RCBTB1: variants seen among roughly 807,000 people sequenced by gnomAD.
RCBTB1 encodes RCC1 and BTB domain-containing protein 1.
RCBTB1 carries 46 observed loss-of-function variants against 62.4 expected under a neutral mutation model. The ratio of observed to expected loss-of-function variants is 0.74; its 90% CI spans 0.58 to 0.94. RCBTB1 has a LOEUF of 0.94. Ranked by LOEUF, RCBTB1 falls within the 40% of genes least tolerant of loss-of-function variation. The probability of loss-of-function intolerance (pLI) is 0.00; values close to 1 mark genes in which losing one functional copy is unlikely to be tolerated. For missense variants in RCBTB1, 565 were observed against 654.9 expected (o/e 0.86, Z 1.50); for synonymous variants, 222 against 245.8 (o/e 0.90, Z 0.91).
chr13:49,539,458 C>T (rs982125036), intron 12 of RCBTB1: 2 of 152,138 alleles, frequency 1.3e-5, no homozygotes, highest in Non-Finnish European at 2.9e-5. Flanking sequence ...AAGAAGTTTC[C>T]AGCAACTTGA....
intron 9 of RCBTB1, among the ~76,000 whole-genome samples, chr13:49,545,774 A>G (rs931688096): frequency 6.6e-6 from 1 of 152,160 alleles, no homozygotes; most frequent in Non-Finnish European, 1.5e-5. Context: ...TGTCTTAATC[A>G]AAGACCTCGG....
chr13:49,574,627 T>C (rs1458688200), intron 2 of RCBTB1, among the ~76,000 whole-genome samples: 1 of 151,618 alleles, frequency 6.6e-6, no homozygotes, highest in East Asian at 1.9e-4. Flanking sequence ...AAATTAAATG[T>C]AGATGGTAGA....
intron 12 of RCBTB1, among the ~76,000 whole-genome samples, chr13:49,537,283 C>T (rs1960012493): frequency 6.6e-6 from 1 of 152,216 alleles, no homozygotes; most frequent in Non-Finnish European, 1.5e-5. Context: ...ACATCAAGTA[C>T]AAAATATTCC....
At chr13:49,582,632 A>G (rs894198218) in intron 1 of RCBTB1, among the ~76,000 whole-genome samples, 1 of 152,152 alleles carries the variant, frequency 6.6e-6, no homozygotes, top group Non-Finnish European at 1.5e-5. Context: ...CTGGAGACAT[A>G]CTCATTCTCT....
intron 6 of RCBTB1, among the ~76,000 whole-genome samples, chr13:49,555,090 G>C (rs1430024366): frequency 2.0e-5 from 3 of 152,188 alleles, no homozygotes; most frequent in Non-Finnish European, 4.4e-5. Context: ...ATCTGCTTTT[G>C]CAAGTTGCTT....
At chr13:49,574,888 G>A (rs796837597) in intron 2 of RCBTB1, among the ~76,000 whole-genome samples, 2 of 151,992 alleles carry the variant, frequency 1.3e-5, no homozygotes, top group African/African-American at 4.8e-5. Flanking sequence ...CTACACATAC[G>A]ATAGAATATT....
At chr13:49,557,830 G>A (rs187989705) in intron 5 of RCBTB1, among the ~76,000 whole-genome samples, 48 of 152,112 alleles carry the variant, frequency 3.2e-4, no homozygotes, top group Non-Finnish European at 5.6e-4. Context: ...TACAATACAC[G>A]TTATGCTAGA....
intron 8 of RCBTB1, 137 bp from the exon 9 acceptor site, chr13:49,549,785 CACAGCAACAAAAGCAACAGA>C: frequency 7.0e-7 from 1 of 1,431,998 alleles, no homozygotes; most frequent in South Asian, 1.5e-5. Flanking sequence ...GCTGCCAAGT[CACAGCAACAAAAGCAACAGA>C]TCAGGGCAAG....
intron 1 of RCBTB1, among the ~76,000 whole-genome samples, chr13:49,581,195 A>G (rs548606858): frequency 6.6e-6 from 1 of 152,286 alleles, no homozygotes; most frequent in East Asian, 1.9e-4. Flanking sequence ...CAGAGACATG[A>G]GACGACAAAG....
chr13:49,536,478 T>A lies in RCBTB1; in HGVS notation c.1456-2216A>T, dbSNP rs548860412. Among the ~76,000 whole-genome samples the A allele has an allele frequency of 7.2e-5, 11 of 152,322 alleles. No individual in the cohort carries two copies. In the East Asian group the frequency reaches 2.1e-3, roughly 29 times the overall value. On this transcript the variant is annotated intron_variant, in intron 12 of 12. Transcript: ENST00000378302. ...TATAAGAATCTACATAATCTGTTCC[T>A]TTCATTCTGCAAAGGATCAAATCTT...
intron 2 of RCBTB1, among the ~76,000 whole-genome samples, chr13:49,569,573 G>A (rs1401345441): frequency 2.0e-5 from 3 of 152,024 alleles, no homozygotes; most frequent in Non-Finnish European, 4.4e-5. Context: ...AAATTAGCCT[G>A]GCGGTAGTGG....
chr13:49,541,114 G>A, intron 11 of RCBTB1, 108 bp from the exon 12 acceptor site: 3 of 889,040 alleles, frequency 3.4e-6, no homozygotes, highest in Non-Finnish European at 4.9e-6. Context: ...AAGTTTCTTA[G>A]TGGATAAGAT....
At chr13:49,568,966 A>C (rs1004680001) in intron 2 of RCBTB1, among the ~76,000 whole-genome samples, 1 of 152,216 alleles carries the variant, frequency 6.6e-6, no homozygotes, top group Non-Finnish European at 1.5e-5. Flanking sequence ...TGCAACAATA[A>C]CAACTAACTT....
At chr13:49,575,460 G>A (rs1049894803) in intron 2 of RCBTB1, among the ~76,000 whole-genome samples, 9 of 149,354 alleles carry the variant, frequency 6.0e-5, no homozygotes, top group African/African-American at 2.0e-4. Flanking sequence ...GCACCTGTAT[G>A]TTCATCACAG....
intron 2 of RCBTB1, among the ~76,000 whole-genome samples, chr13:49,578,013 TTAATGAGCTAGTGA>T (rs1963886865): frequency 6.6e-6 from 1 of 152,224 alleles, no homozygotes; most frequent in African/African-American, 2.4e-5. Context: ...TTATTTATAG[TTAATGAGCTAGTGA>T]TAAAATCTAA....
chr13:49,554,530 C>T (rs116214754), intron 6 of RCBTB1, among the ~76,000 whole-genome samples: 5,140 of 152,120 alleles, frequency 0.034, 289 homozygotes, highest in African/African-American at 0.11. Flanking sequence ...GCTCATGAGC[C>T]GCAGGCCGGT....
intron 9 of RCBTB1, among the ~76,000 whole-genome samples, chr13:49,547,851 C>T (rs1210417232): frequency 6.6e-6 from 1 of 151,998 alleles, no homozygotes; most frequent in African/African-American, 2.4e-5. Flanking sequence ...TGCAGTGGTG[C>T]GACCACAGTT....
intron 5 of RCBTB1, among the ~76,000 whole-genome samples, chr13:49,556,105 A>G (rs1326860363): frequency 2.6e-5 from 4 of 152,190 alleles, no homozygotes; most frequent in Non-Finnish European, 5.9e-5. Flanking sequence ...TATATGCCAC[A>G]TAAGTATTAG....
At chr13:49,536,901 C>G (rs535748021) in intron 12 of RCBTB1, among the ~76,000 whole-genome samples, 1 of 152,304 alleles carries the variant, frequency 6.6e-6, no homozygotes, top group South Asian at 2.1e-4. Flanking sequence ...CCAAATCTTT[C>G]AACATTGAAA....
Sources: allele counts gnomAD v4.1 joint callset (sites outside exome capture counted in the v4.1 genomes callset), GRCh38; gene constraint gnomAD v4.1.1; transcripts MANE v1.5; gene names NCBI Gene and HGNC (gene_info 2026-07-23, HGNC 2026-07-21).